TNKS: variants seen among roughly 807,000 people sequenced by gnomAD.
The protein encoded by TNKS is tankyrase.
TNKS carries 72 observed loss-of-function variants against 135.8 expected under a neutral mutation model. That is an observed-to-expected ratio of 0.53 (90% confidence interval 0.44 to 0.64). The LOEUF (loss-of-function observed/expected upper bound fraction) is 0.64. TNKS is among the 30% of genes least tolerant of loss of function. The pLI, the probability that TNKS is intolerant of heterozygous loss-of-function variation, is 0.00. For synonymous variants in TNKS, 849 were observed against 649.3 expected (o/e 1.31, Z -4.68); for missense variants, 1,769 against 1,674.0 (o/e 1.06, Z -0.99).
At position 9,580,215 on chromosome 8, in the gene TNKS, G is replaced by T; in HGVS notation, c.730G>T (p.Ala244Ser). The T allele has an allele frequency of 1.2e-6, 2 of 1,614,074 alleles. No individual in the cohort carries two copies. Among genetic ancestry groups the T allele is most frequent in the Non-Finnish European group, 1.7e-6 (2 of 1,180,018 alleles). ...ACTACAGATGGGTGCTAATGTCCACGCTCGTGATGATGGAGGTCTCATCCC... is the reference window on the plus strand; with the variant it reads ...ACTACAGATGGGTGCTAATGTCCACTCTCGTGATGATGGAGGTCTCATCCC... ...HLLQMGANVH[A>S]RDDGGLIPLH... The change falls in exon 2 of 27, where the codon GCT becomes TCT. Residue 244 changes from alanine to serine, a missense_variant. This residue lies in a region of TNKS where 523 missense variants were observed against 541.0 expected (regional missense o/e 0.97). Coordinates refer to ENST00000310430, the MANE Select transcript of TNKS (RefSeq NM_003747.3).
intron 3 of TNKS, among the ~76,000 whole-genome samples, chr8:9,666,448 G>A (rs779341763): frequency 2.0e-4 from 31 of 152,162 alleles, no homozygotes; most frequent in Non-Finnish European, 4.4e-4. Context: ...GGCTGGGTGT[G>A]GTAGCTCACG....
chr8:9,770,898 C>T (rs954298102), intron 26 of TNKS, among the ~76,000 whole-genome samples: 8 of 152,118 alleles, frequency 5.3e-5, no homozygotes, highest in African/African-American at 1.9e-4. Context: ...TAGGATTGAG[C>T]ACATGAGCGG....
intron 17 of TNKS, among the ~76,000 whole-genome samples, chr8:9,745,545 C>T (rs1288425072): frequency 1.3e-5 from 2 of 152,112 alleles, no homozygotes; most frequent in Non-Finnish European, 2.9e-5. Context: ...GCTGGGATTA[C>T]AGGTGTGTGG....
chr8:9,728,803 T>C (rs1459241326), intron 13 of TNKS, among the ~76,000 whole-genome samples: 1 of 152,168 alleles, frequency 6.6e-6, no homozygotes, highest in African/African-American at 2.4e-5. Flanking sequence ...CATTTCCGTA[T>C]AGAGTTGATG....
At chr8:9,707,504 T>A (rs1268837363) in intron 8 of TNKS, among the ~76,000 whole-genome samples, 2 of 152,326 alleles carry the variant, frequency 1.3e-5, no homozygotes, top group South Asian at 4.1e-4. Flanking sequence ...CACAATCATA[T>A]TTTTATTTGT....
chr8:9,706,819 T>C lies in TNKS; in HGVS notation c.1278T>C (p.Ala426=). ...EVTELLLKHG[A]CVNAMDLWQF... is the part of the protein sequence containing the mutation. ...TTTTTTTCTCAATTCAGCATGGAGC[T>C]TGTGTTAATGCCATGGATCTCTGGC... The change falls in exon 8 of 27, where the codon GCT becomes GCC. Residue 426 remains alanine (A), a synonymous_variant. Transcript: ENST00000310430. The C allele has an allele frequency of 6.2e-7, 1 of 1,609,326 alleles. No homozygotes were observed. Among genetic ancestry groups the C allele is most frequent in the Admixed American group, 1.7e-5 (1 of 58,600 alleles).
chr8:9,563,623 C>T (rs1279466381), intron 1 of TNKS, among the ~76,000 whole-genome samples: 1 of 152,118 alleles, frequency 6.6e-6, no homozygotes, highest in East Asian at 1.9e-4. Flanking sequence ...GTAGTCCTTT[C>T]TTGAAATTAT....
At chr8:9,574,582 C>G (rs1212974831) in intron 1 of TNKS, among the ~76,000 whole-genome samples, 1 of 152,254 alleles carries the variant, frequency 6.6e-6, no homozygotes, top group East Asian at 1.9e-4. Context: ...AATGGTTTCC[C>G]ACATACTTAC....
intron 2 of TNKS, among the ~76,000 whole-genome samples, chr8:9,581,424 C>G (rs1798161718): frequency 6.6e-6 from 1 of 152,172 alleles, no homozygotes; most frequent in Non-Finnish European, 1.5e-5. Flanking sequence ...TCAACTGACT[C>G]TCCCATTTCC....
At chr8:9,556,757 T>G (rs1397326398) in intron 1 of TNKS, 145 bp downstream of exon 1, 4 of 805,468 alleles carry the variant, frequency 5.0e-6, no homozygotes, top group African/African-American at 1.8e-5. Context: ...GGAGGTTCCT[T>G]TCTTTTGGTG....
intron 3 of TNKS, among the ~76,000 whole-genome samples, chr8:9,620,477 T>C (rs1799824657): frequency 6.6e-6 from 1 of 152,218 alleles, no homozygotes; most frequent in Non-Finnish European, 1.5e-5. Context: ...TACTAAAGCA[T>C]AAATCAGCTC....
chr8:9,637,121 T>C (rs928507143), intron 3 of TNKS, among the ~76,000 whole-genome samples: 2 of 152,206 alleles, frequency 1.3e-5, no homozygotes, highest in African/African-American at 2.4e-5. Context: ...CTCAAATGAC[T>C]ATGAGTTATC....
chr8:9,574,094 T>C (rs910627322), intron 1 of TNKS, among the ~76,000 whole-genome samples: 6 of 152,238 alleles, frequency 3.9e-5, no homozygotes, highest in African/African-American at 2.4e-5. Flanking sequence ...GGTTAGGCTA[T>C]GTGTTAGGAA....
chr8:9,706,188 G>A lies in TNKS; in HGVS notation c.1204G>A (p.Gly402Arg). The stretch of plus-strand genomic sequence containing the variant: ...TTTAATTTGCCTCTTTTCATTTAGT[G>A]GACTTGTGCCTCTTCATAATGCATG... The part of the protein sequence containing the change: ...GADVHAKDKG[G>R]LVPLHNACSY... The change falls in exon 7 of 27, where the codon GGA (glycine) becomes AGA (arginine). Residue 402 changes from glycine to arginine, a missense_variant and splice_region_variant. Physicochemically the swap from Gly to Arg is moderately radical, Grantham distance 125. Around this residue, in one of 5 missense-constraint regions of TNKS, gnomAD observed 523 missense variants for 541.0 expected, o/e 0.97. Transcript: ENST00000310430. The A allele has an allele frequency of 6.4e-7, 1 of 1,563,582 alleles. No individual in the cohort carries two copies.
At chr8:9,769,603 A>G (rs1488445313) in intron 25 of TNKS, among the ~76,000 whole-genome samples, 1 of 145,802 alleles carries the variant, frequency 6.9e-6, no homozygotes, top group Non-Finnish European at 1.5e-5. Context: ...ACTTACTGGC[A>G]GGCATTTTCT....
chr8:9,628,361 T>C lies in TNKS; in HGVS notation c.994+12684T>C, dbSNP rs1048944840. Among the ~76,000 whole-genome samples, 5 of 152,178 alleles carry C rather than the reference T, an allele frequency of 3.3e-5. No homozygotes were observed. In the East Asian group the frequency reaches 9.6e-4, roughly 29 times the overall value. On this transcript the variant is annotated intron_variant, in intron 3 of 26. Transcript: ENST00000310430. ...AAATGCCTTTTTGCTGTTGTTATTGTTTGTTTTTTTCTCCCTGAGTTTTTT... is the reference window on the plus strand; with the variant it reads ...AAATGCCTTTTTGCTGTTGTTATTGCTTGTTTTTTTCTCCCTGAGTTTTTT...
At chr8:9,713,476 G>C (rs1287214473) in intron 11 of TNKS, among the ~76,000 whole-genome samples, 1 of 152,114 alleles carries the variant, frequency 6.6e-6, no homozygotes, top group African/African-American at 2.4e-5. Flanking sequence ...TAGGTCTGTG[G>C]TTCTCACTCT....
At chr8:9,578,060 G>A (rs745615744) in intron 1 of TNKS, among the ~76,000 whole-genome samples, 23 of 152,262 alleles carry the variant, frequency 1.5e-4, no homozygotes, top group African/African-American at 1.4e-4. Context: ...TTGACTCCAC[G>A]GCTCACATCC....
chr8:9,740,826 G>GTTTTTTTTTTTTTTTT (rs66865048), intron 17 of TNKS: 1 of 103,566 alleles, frequency 9.7e-6, no homozygotes, highest in Non-Finnish European at 1.8e-5. Flanking sequence ...AATTCTTGTT[G>GTTTTTTTTTTTTTTTT]TTTTTTTTTT....
Sources: gnomAD v4.1 joint callset for allele counts (sites outside exome capture counted in the v4.1 genomes callset) on GRCh38, gnomAD v4.1.1 for gene constraint, gnomAD v4.1.1 regional missense constraint, MANE v1.5 for transcripts, NCBI Gene and HGNC (gene_info 2026-07-23, HGNC 2026-07-21) for gene names.